Variants in TLN2 observed in about 807,000 individuals in gnomAD.
TLN2 encodes the protein talin-2.
TLN2 carries 118 observed loss-of-function variants against 294.7 expected under a neutral mutation model. The ratio of observed to expected loss-of-function variants is 0.40; its 90% CI spans 0.34 to 0.47. TLN2 has a LOEUF of 0.47. TLN2 is among the 20% of genes least tolerant of loss of function. TLN2 has a pLI of 0.84. For missense variants in TLN2, 3,083 were observed against 3,282.2 expected (o/e 0.94, Z 1.48); for synonymous variants, 1,431 against 1,304.5 (o/e 1.10, Z -2.09).
intron 1 of TLN2, among the ~76,000 whole-genome samples, chr15:62,581,234 G>C (rs751104441): frequency 1.3e-5 from 2 of 152,092 alleles, no homozygotes; most frequent in Admixed American, 6.6e-5. Context: ...GAATGTCATC[G>C]AGTTGGAATT....
At chr15:62,710,767 C>T (rs370167260) in intron 21 of TLN2, among the ~76,000 whole-genome samples, 4 of 32,896 alleles carry the variant, frequency 1.2e-4, no homozygotes, top group African/African-American at 1.6e-4. Flanking sequence ...GCTCTGTTGC[C>T]CAGGCTGGAG....
At chr15:62,580,501 C>G (rs985732913) in intron 1 of TLN2, among the ~76,000 whole-genome samples, 44 of 149,518 alleles carry the variant, frequency 2.9e-4, no homozygotes, top group African/African-American at 1.1e-3. Context: ...GCCTTGACCT[C>G]CCAGGCTCAG....
intron 11 of TLN2, among the ~76,000 whole-genome samples, chr15:62,681,043 G>A (rs547840060): frequency 2.0e-5 from 3 of 152,172 alleles, no homozygotes; most frequent in Admixed American, 6.5e-5. Context: ...ATAAAGGTAC[G>A]TGTGCAAGTG....
intron 1 of TLN2, among the ~76,000 whole-genome samples, chr15:62,451,430 G>A (rs142761558): frequency 9.9e-4 from 151 of 152,310 alleles, no homozygotes; most frequent in Non-Finnish European, 1.6e-3. Flanking sequence ...GCCGAGGCGG[G>A]TGAATCACAA....
intron 41 of TLN2, among the ~76,000 whole-genome samples, chr15:62,769,139 T>C (rs1218115362): frequency 6.6e-6 from 1 of 152,234 alleles, no homozygotes; most frequent in East Asian, 1.9e-4. Context: ...TGATGAAACA[T>C]ACTTTGAAAA....
intron 1 of TLN2, among the ~76,000 whole-genome samples, chr15:62,442,644 C>A (rs2035612498): frequency 6.6e-6 from 1 of 151,688 alleles, no homozygotes; most frequent in South Asian, 2.1e-4. Context: ...ATTGAGTGTA[C>A]TGTGTGAGAT....
intron 2 of TLN2, among the ~76,000 whole-genome samples, chr15:62,613,745 T>C (rs1373232908): frequency 6.6e-6 from 1 of 151,960 alleles, no homozygotes; most frequent in Non-Finnish European, 1.5e-5. Context: ...GTTATGTCCA[T>C]TCAGGGGACT....
chr15:62,716,383 C>A lies in TLN2; in HGVS notation c.2687C>A (p.Ala896Asp). The change falls in exon 23 of 59, where the codon GCT becomes GAT. Residue 896 changes from alanine (A) to aspartate (D), a missense_variant. Transcript: ENST00000636159. The part of the protein sequence containing the change: ...NEDQQQRLRE[A>D]AEGLRVATNA... ...GACCAGCAGCAAAGGCTGAGAGAAGCTGCAGAAGGCCTCCGGGTAGCAACC... is the reference window on the plus strand; with the variant it reads ...GACCAGCAGCAAAGGCTGAGAGAAGATGCAGAAGGCCTCCGGGTAGCAACC... 6.2e-7 allele frequency: 1 copy of A among 1,611,164 alleles called. No individual in the cohort carries two copies. Among genetic ancestry groups the A allele is most frequent in the Non-Finnish European group, 8.5e-7 (1 of 1,178,808 alleles).
At chr15:62,452,421 C>T (rs2036211476) in intron 1 of TLN2, among the ~76,000 whole-genome samples, 3 of 152,106 alleles carry the variant, frequency 2.0e-5, no homozygotes, top group Admixed American at 6.5e-5. Context: ...AGAAGGACGT[C>T]GACAGTTTAA....
chr15:62,433,805 G>A (rs781362961), intron 1 of TLN2, among the ~76,000 whole-genome samples: 66 of 151,876 alleles, frequency 4.3e-4, no homozygotes, highest in Non-Finnish European at 6.0e-4. Context: ...CCTGGCCAAC[G>A]TGGTGAAACC....
intron 54 of TLN2, among the ~76,000 whole-genome samples, chr15:62,825,900 G>A (rs1174335743): frequency 8.2e-6 from 1 of 122,110 alleles, no homozygotes; most frequent in Non-Finnish European, 1.6e-5. Context: ...AGGCATGGTG[G>A]TGCACGCCTG....
At chr15:62,607,129 C>T (rs747903271) in intron 2 of TLN2, among the ~76,000 whole-genome samples, 6 of 152,180 alleles carry the variant, frequency 3.9e-5, no homozygotes, top group Non-Finnish European at 7.3e-5. Context: ...GATGTTACTT[C>T]CTTTTTGAGC....
chr15:62,688,983 C>T (rs1249422741), intron 12 of TLN2, among the ~76,000 whole-genome samples: 1 of 149,850 alleles, frequency 6.7e-6, no homozygotes, highest in Non-Finnish European at 1.5e-5. Flanking sequence ...TATATTTACA[C>T]TATATTTAAG....
chr15:62,813,380 C>T (rs762649894), intron 52 of TLN2, among the ~76,000 whole-genome samples: 42 of 152,054 alleles, frequency 2.8e-4, no homozygotes, highest in Non-Finnish European at 5.3e-4. Flanking sequence ...TAAGGCCATT[C>T]AGAGGTTTAG....
intron 1 of TLN2, among the ~76,000 whole-genome samples, chr15:62,452,828 G>A (rs2036239494): frequency 6.6e-6 from 1 of 152,312 alleles, no homozygotes; most frequent in African/African-American, 2.4e-5. Flanking sequence ...GCCCAGAGTG[G>A]CGGGGCCAGT....
At chr15:62,436,876 A>C (rs139087530) in intron 1 of TLN2, among the ~76,000 whole-genome samples, 145 of 152,118 alleles carry the variant, frequency 9.5e-4, no homozygotes, top group Non-Finnish European at 1.5e-3. Context: ...GCATGCATGC[A>C]CCATCGTGCC....
chr15:62,634,196 A>T (rs1219168978), intron 3 of TLN2, among the ~76,000 whole-genome samples: 2 of 152,180 alleles, frequency 1.3e-5, no homozygotes, highest in Admixed American at 6.5e-5. Context: ...GGAGGACAAG[A>T]TGAATATCAA....
chr15:62,417,494 G>A (rs1469558373), intron 1 of TLN2, among the ~76,000 whole-genome samples: 1 of 152,228 alleles, frequency 6.6e-6, no homozygotes, highest in African/African-American at 2.4e-5. Context: ...TTAAATGACA[G>A]TGTTCACATA....
intron 1 of TLN2, among the ~76,000 whole-genome samples, chr15:62,551,926 A>T (rs1275147145): frequency 6.6e-6 from 1 of 152,204 alleles, no homozygotes; most frequent in African/African-American, 2.4e-5. Context: ...AAAATTATTT[A>T]TTGTTTTAGG....
Sources: allele counts gnomAD v4.1 joint callset (sites outside exome capture counted in the v4.1 genomes callset), GRCh38; gene constraint gnomAD v4.1.1; transcripts MANE v1.5; gene names NCBI Gene and HGNC (gene_info 2026-07-23, HGNC 2026-07-21).